The following FOSL1 variants were observed in gnomAD, a reference collection of about 807,000 sequenced individuals.
FOSL1 encodes FOS like 1, AP-1 transcription factor subunit, also known as fos-related antigen 1.
FOSL1 carries 14 observed loss-of-function variants against 24.9 expected under a neutral mutation model. The ratio of observed to expected loss-of-function variants is 0.56; its 90% CI spans 0.37 to 0.88. FOSL1 has a LOEUF of 0.88. Ranked by LOEUF, FOSL1 falls within the 40% of genes least tolerant of loss-of-function variation. The pLI is 0.00. For synonymous variants in FOSL1, 133 were observed against 145.1 expected, an observed-to-expected ratio of 0.92 and a Z score of 0.60; for missense variants, 318 against 359.8, an observed-to-expected ratio of 0.88 and a Z score of 0.94.
At chr11:65,900,466 G>C, upstream of FOSL1, 1 of 478,782 alleles carries the variant, frequency 2.1e-6, no homozygotes. Context: ...GGGGGGTGGG[G>C]GCGTTGCAGC....
chr11:65,893,402 G>C (rs910500307), intron 3 of FOSL1, 106 bp from the exon 4 acceptor site: 1 of 806,088 alleles, frequency 1.2e-6, no homozygotes. Flanking sequence ...CGGGGGGAGA[G>C]GGGGGGCAGT....
Position 65,900,334 on chromosome 11 carries a change from G to T in FOSL1, c.6C>A (p.Phe2Leu). M[F>L]RDFGEPGPSS... ...TCGGGCCGGGTTCCCCGAAGTCTCGGAACATGCCCGGGGCTGGCGGCTCTG... is the reference window on the plus strand; with the variant it reads ...TCGGGCCGGGTTCCCCGAAGTCTCGTAACATGCCCGGGGCTGGCGGCTCTG... The change falls in exon 1 of 4, where the codon TTC (phenylalanine) becomes TTA (leucine). Residue 2 changes from phenylalanine (F) to leucine (L), a missense_variant. By Grantham distance (22) the Phe-to-Leu change is conservative. Coordinates refer to ENST00000312562, the MANE Select transcript of FOSL1 (RefSeq NM_005438.5). 9 of 1,237,908 alleles carry T rather than the reference G, an allele frequency of 7.3e-6. No individual in the cohort carries two copies. The highest frequency in any genetic ancestry group is 9.1e-6 in the Non-Finnish European group (9 of 989,850). 76.7% of individuals were successfully genotyped at this position (1,237,908 alleles called of 1,614,324 possible).
In FOSL1 at chr11:65,900,382, C is replaced by T; in HGVS notation, c.-43G>A. ...CTGCGGGGTACACGGCTGCTGGGTTCTGACTCACCCGCGCCGTGCGGAGTC... is the reference window on the plus strand; with the variant it reads ...CTGCGGGGTACACGGCTGCTGGGTTTTGACTCACCCGCGCCGTGCGGAGTC... On this transcript the variant is annotated 5_prime_UTR_variant, in exon 1 of 4. Transcript: ENST00000312562. The T allele has an allele frequency of 9.4e-7, 1 of 1,066,120 alleles. No individual in the cohort carries two copies. Among genetic ancestry groups the T allele is most frequent in the Non-Finnish European group, 1.2e-6 (1 of 834,582 alleles). 66.0% of individuals were successfully genotyped at this position (1,066,120 alleles called of 1,614,324 possible).
rs937228183 is a variant in FOSL1, at chr11:65,900,304, G to T, written c.36C>A (p.Ser12=). 21 of 1,244,614 alleles carry T rather than the reference G, an allele frequency of 1.7e-5. No individual in the cohort carries two copies. Among genetic ancestry groups the T allele is most frequent in the Non-Finnish European group, 1.9e-5 (19 of 994,530 alleles). 77.1% of individuals were successfully genotyped at this position (1,244,614 alleles called of 1,614,324 possible). Residue 12 remains serine (S), a synonymous_variant, in exon 1 of 4, where the codon TCC becomes TCA. Transcript: ENST00000312562. ...FRDFGEPGPS[S]GNGGGYGGPA... ...GGCCGCCGTACCCGCCGCCGTTCCC[G>T]GAGCTCGGGCCGGGTTCCCCGAAGT... is the stretch of plus-strand genomic sequence containing the variant.
At chr11:65,895,038 G>C (rs1188014595) in intron 2 of FOSL1, among the ~76,000 whole-genome samples, 1 of 151,012 alleles carries the variant, frequency 6.6e-6, no homozygotes, top group Non-Finnish European at 1.5e-5. Context: ...GGGCTCAAGG[G>C]ATCCTCCTGC....
intron 1 of FOSL1, among the ~76,000 whole-genome samples, chr11:65,899,825 C>A (rs941760738): frequency 6.6e-6 from 1 of 152,196 alleles, no homozygotes; most frequent in Non-Finnish European, 1.5e-5. Context: ...GCCTCCCTCC[C>A]GTGTGGGGAC....
In FOSL1 at chr11:65,898,043, C is replaced by CCGTTTTTTTTTTTTTTT. The variant is rs1416098633; in HGVS notation, c.100-1038_100-1037insAAAAAAAAAAAAAAACG. 5.0e-5 allele frequency among the ~76,000 whole-genome samples: 4 copies of CCGTTTTTTTTTTTTTTT among 79,664 alleles called. 2 individuals carry two copies. The highest frequency in any genetic ancestry group is 1.1e-4 in the African/African-American group (2 of 17,948). 52.3% of individuals were successfully genotyped at this position (79,664 alleles called of 152,430 possible). A position where few individuals can be genotyped will look rare whatever the true frequency, so the allele number is the denominator to read the frequency against. ...ATTTGGCTAATTTTTTTTTTCTTTTCTGTTTTTTTTTTTTTGAGACACAGT... is the reference window on the plus strand; with the variant it reads ...ATTTGGCTAATTTTTTTTTTCTTTTCCGTTTTTTTTTTTTTTTTGTTTTTTTTTTTTTGAGACACAGT... On this transcript the variant is annotated intron_variant, in intron 1 of 3. Coordinates refer to ENST00000312562, the MANE Select transcript of FOSL1 (RefSeq NM_005438.5).
chr11:65,894,209 G>T, intron 2 of FOSL1, 88 bp from the exon 3 acceptor site: 1 of 951,750 alleles, frequency 1.1e-6, no homozygotes, highest in Non-Finnish European at 1.6e-6. Context: ...TAGGACCCTG[G>T]CAGAGGTCAT....
At position 65,894,094 on chromosome 11, in the gene FOSL1, G is replaced by A. The variant is rs371886513; in HGVS notation, c.325C>T (p.Arg109Ter). 35 of 1,608,968 alleles carry A rather than the reference G, an allele frequency of 2.2e-5. No individual in the cohort carries two copies. Among genetic ancestry groups the A allele is most frequent in the Non-Finnish European group, 2.5e-5 (30 of 1,179,476 alleles). Residue 109 changes from arginine to a stop codon, truncating the protein, a stop_gained, in exon 3 of 4, where the codon CGA (arginine) becomes TGA (stop). Transcript: ENST00000312562. LOFTEE classifies it high-confidence loss of function. ...AGCTTGTTCCGCTCGCGCCTTACTC[G>A]GCGGCGCTCCTCTTCCTCCGGGCTG... ...QISPEEEERR[R>*]VRRERNKLAA...
At chr11:65,897,484 C>T (rs1301360586) in intron 1 of FOSL1, among the ~76,000 whole-genome samples, 2 of 151,830 alleles carry the variant, frequency 1.3e-5, no homozygotes, top group Non-Finnish European at 2.9e-5. Flanking sequence ...GGATTATAGG[C>T]GTGCACCACC....
chr11:65,895,821 C>G (rs1157361302), intron 2 of FOSL1, among the ~76,000 whole-genome samples: 4 of 152,150 alleles, frequency 2.6e-5, no homozygotes, highest in African/African-American at 4.8e-5. Flanking sequence ...GCCGACCAAG[C>G]TTTTTAACCT....
intron 3 of FOSL1, 130 bp from the exon 4 acceptor site, chr11:65,893,426 C>A: frequency 1.5e-6 from 1 of 679,472 alleles, no homozygotes; most frequent in South Asian, 1.9e-5. Flanking sequence ...GAGTCCCCAG[C>A]AAGTCTGGAC....
At chr11:65,899,025 GT>G (rs1304899635) in intron 1 of FOSL1, among the ~76,000 whole-genome samples, 5 of 150,146 alleles carry the variant, frequency 3.3e-5, no homozygotes, top group African/African-American at 7.3e-5. Context: ...GTTATAGTGG[GT>G]TTTTTTTTCA....
At chr11:65,894,813 C>T (rs1045607205) in intron 2 of FOSL1, among the ~76,000 whole-genome samples, 1 of 151,930 alleles carries the variant, frequency 6.6e-6, no homozygotes, top group Non-Finnish European at 1.5e-5. Context: ...TGTACCACCA[C>T]ACCTGGCTAA....
Position 65,900,370 on chromosome 11 carries a change from G to A in FOSL1, c.-31C>T. ...GGGCTGGCGGCTCTGCGGGGTACAC[G>A]GCTGCTGGGTTCTGACTCACCCGCG... On this transcript the variant is annotated 5_prime_UTR_variant, in exon 1 of 4. Coordinates refer to ENST00000312562, the MANE Select transcript of FOSL1 (RefSeq NM_005438.5). 1 of 1,158,006 alleles carries A rather than the reference G, an allele frequency of 8.6e-7. No homozygotes were observed. Among genetic ancestry groups the A allele is most frequent in the Non-Finnish European group, 1.1e-6 (1 of 918,248 alleles). 71.7% of individuals were successfully genotyped at this position (1,158,006 alleles called of 1,614,324 possible).
intron 2 of FOSL1, among the ~76,000 whole-genome samples, chr11:65,894,831 AT>A (rs1342489141): frequency 6.6e-6 from 1 of 151,190 alleles, no homozygotes; most frequent in African/African-American, 2.4e-5. Flanking sequence ...TAATTTTTGT[AT>A]TTTTAGTAGA....
intron 1 of FOSL1, among the ~76,000 whole-genome samples, chr11:65,899,278 G>A (rs1452990286): frequency 6.6e-6 from 1 of 152,164 alleles, no homozygotes; most frequent in Non-Finnish European, 1.5e-5. Flanking sequence ...CAAGCGCTGC[G>A]GGCCCGGCGT....
chr11:65,893,797 CA>C lies in FOSL1; in HGVS notation c.405+216del, dbSNP rs761723028. 8.9e-3 allele frequency among the ~76,000 whole-genome samples: 1,298 copies of C among 146,124 alleles called. 9 individuals are homozygous for C. Among genetic ancestry groups the C allele is most frequent in the Non-Finnish European group, 0.014 (954 of 66,030 alleles). On this transcript the variant is annotated intron_variant, in intron 3 of 3. Coordinates refer to ENST00000312562, the MANE Select transcript of FOSL1 (RefSeq NM_005438.5). Reference sequence around the variant, plus strand: ...TGGGTGACAGAGCGAGACTCTGTCTCAAAAAAAAAAGGAGATTGCTGGCTGA... The same window carrying C: ...TGGGTGACAGAGCGAGACTCTGTCTCAAAAAAAAAGGAGATTGCTGGCTGA...
chr11:65,892,976 C>T lies in FOSL1; in HGVS notation c.726G>A (p.Glu242=). The T allele has an allele frequency of 6.2e-7, 1 of 1,612,764 alleles. No individual in the cohort carries two copies. The highest frequency in any genetic ancestry group is 1.1e-5 in the South Asian group (1 of 91,012). The change falls in exon 4 of 4, where the codon GAG becomes GAA. Residue 242 remains glutamate (E), a synonymous_variant. Transcript: ENST00000312562. ...SLVFTYPSTP[E]PCASAHRKSS... is the part of the protein sequence containing the mutation. Reference sequence around the variant, plus strand: ...TCTTGCGATGAGCTGAGGCACAAGGCTCAGGAGTGCTGGGGTAGGTGAAGA... The same window carrying T: ...TCTTGCGATGAGCTGAGGCACAAGGTTCAGGAGTGCTGGGGTAGGTGAAGA...
Sources: gnomAD v4.1 joint callset for allele counts (sites outside exome capture counted in the v4.1 genomes callset) on GRCh38, gnomAD v4.1.1 for gene constraint, MANE v1.5 for transcripts, NCBI Gene and HGNC (gene_info 2026-07-23, HGNC 2026-07-21) for gene names.